The following TRIM41 variants were observed in gnomAD, a reference collection of about 807,000 sequenced individuals.
TRIM41 encodes the protein tripartite motif containing 41, also known as E3 ubiquitin-protein ligase TRIM41.
A neutral mutation model predicts 60.6 loss-of-function variants in TRIM41; 21 were observed. The ratio of observed to expected loss-of-function variants is 0.35; its 90% CI spans 0.25 to 0.50. The LOEUF (loss-of-function observed/expected upper bound fraction) is 0.50. Ranked by LOEUF, TRIM41 falls within the 20% of genes least tolerant of loss-of-function variation. The pLI, the probability that TRIM41 is intolerant of heterozygous loss-of-function variation, is 0.98. For missense variants in TRIM41, 846 were observed against 868.3 expected (o/e 0.97, Z 0.32); for synonymous variants, 407 against 344.9 (o/e 1.18, Z -2.00).
chr5:181,229,296 CTCT>C (rs1371170312), intron 1 of TRIM41: 3 of 152,258 alleles, frequency 2.0e-5, no homozygotes, highest in Non-Finnish European at 4.4e-5. Context: ...GAGGTCCATT[CTCT>C]TCTTATTTGA....
In TRIM41 at chr5:181,234,449, G is replaced by A. The variant is rs755970444; in HGVS notation, c.1567G>A (p.Gly523Arg). 80 of 1,610,796 alleles carry A rather than the reference G, an allele frequency of 5.0e-5. No individual in the cohort carries two copies. Among genetic ancestry groups the A allele is most frequent in the Admixed American group, 1.2e-4 (7 of 59,548 alleles). ...CCCTGGGGGTTCCTCCGTGGGCAGC[G>A]GGGATGCCAGCTCCTCGCGCCATCA... is the stretch of plus-strand genomic sequence containing the variant. ...VGPGGSSVGS[G>R]DASSSRHHHR... Residue 523 changes from glycine to arginine, a missense_variant, in exon 6 of 6, where the codon GGG becomes AGG. Coordinates refer to ENST00000315073, the MANE Select transcript of TRIM41 (RefSeq NM_033549.5). This position sits in a 1 kb window ranked among gnomAD's most constrained non-coding sequence, Gnocchi z 5.6.
In TRIM41 at chr5:181,223,854, C is replaced by G; in HGVS notation, c.-146C>G. On this transcript the variant is annotated 5_prime_UTR_variant, in exon 1 of 6. Transcript: ENST00000315073. ...GGAACACTGTGTTGGGGTGGGTTGT[C>G]GGCAGGACATCTCTCTGGCTGCTCT... The G allele has an allele frequency of 1.3e-6, 1 of 777,736 alleles. No homozygotes were observed. The highest frequency in any genetic ancestry group is 2.0e-6 in the Non-Finnish European group (1 of 494,880). 48.2% of individuals were successfully genotyped at this position (777,736 alleles called of 1,614,324 possible). A position where few individuals can be genotyped will look rare whatever the true frequency, so the allele number is the denominator to read the frequency against.
At chr5:181,232,465 T>G in intron 2 of TRIM41, 194 bp from the exon 3 acceptor site, 2 of 584,784 alleles carry the variant, frequency 3.4e-6, no homozygotes, top group Non-Finnish European at 3.0e-6. Context: ...TTAGTGAGTT[T>G]GAGACCACTG....
Position 181,235,219 on chromosome 5 carries a change from A to G in TRIM41, c.*444A>G. On this transcript the variant is annotated 3_prime_UTR_variant, in exon 6 of 6. Coordinates refer to ENST00000315073, the MANE Select transcript of TRIM41 (RefSeq NM_033549.5). ...ATTCCAATTCCATTTTCTGATGCAG[A>G]TTTTAGCTGAGGGATTTGGAAGCCA... 6.4e-7 allele frequency: 1 copy of G among 1,571,774 alleles called. No individual in the cohort carries two copies. Among genetic ancestry groups the G allele is most frequent in the Admixed American group, 1.9e-5 (1 of 53,740 alleles).
chr5:181,227,279 T>G (rs531362961), intron 1 of TRIM41: 1 of 152,360 alleles, frequency 6.6e-6, no homozygotes, highest in South Asian at 2.1e-4. Context: ...CATAGTTTTA[T>G]TGTATAGGAC....
intron 2 of TRIM41, 89 bp from the exon 3 acceptor site, chr5:181,232,570 C>A: frequency 7.9e-7 from 1 of 1,270,486 alleles, no homozygotes; most frequent in Non-Finnish European, 1.1e-6. Flanking sequence ...GGCTCCTTTG[C>A]CTTGCATTGA....
At chr5:181,228,951 A>C (rs1034911862) in intron 1 of TRIM41, 6 of 151,802 alleles carry the variant, frequency 4.0e-5, no homozygotes, top group Non-Finnish European at 7.4e-5. Context: ...AAAAAAAAAA[A>C]AAAAAAACAG....
chr5:181,234,839 CGTAA>C lies in TRIM41; in HGVS notation c.*67_*70del. The stretch of plus-strand genomic sequence containing the variant: ...GGGGGGTGGGTGGTGGAGGGTGGCC[CGTAA>C]GTTTGAGGGCTCAAAGGCTCTTCCC... On this transcript the variant is annotated 3_prime_UTR_variant, in exon 6 of 6. Transcript: ENST00000315073. This position sits in a 1 kb window ranked among gnomAD's most constrained non-coding sequence, Gnocchi z 5.6. The C allele has an allele frequency of 6.2e-7, 1 of 1,606,940 alleles. No homozygotes were observed. The highest frequency in any genetic ancestry group is 8.5e-7 in the Non-Finnish European group (1 of 1,176,832).
In TRIM41 at chr5:181,235,302, G is replaced by A; in HGVS notation, c.*527G>A. ...CTGGGTAATAAATGTCTATTCTCCT[G>A]GGGAGGAGGGATTCTAAACTTTCCT... On this transcript the variant is annotated 3_prime_UTR_variant, in exon 6 of 6. Coordinates refer to ENST00000315073, the MANE Select transcript of TRIM41 (RefSeq NM_033549.5). 6.2e-7 allele frequency: 1 copy of A among 1,614,018 alleles called. No homozygotes were observed. Among genetic ancestry groups the A allele is most frequent in the Non-Finnish European group, 8.5e-7 (1 of 1,179,970 alleles).
rs779622930 is a variant in TRIM41, at chr5:181,234,670, G to C, written c.1788G>C (p.Glu596Asp). The C allele has an allele frequency of 6.2e-7, 1 of 1,614,232 alleles. No homozygotes were observed. Among genetic ancestry groups the C allele is most frequent in the South Asian group, 1.1e-5 (1 of 91,090 alleles). Residue 596 changes from glutamate (E) to aspartate (D), a missense_variant, in exon 6 of 6, where the codon GAG (glutamate) becomes GAC (aspartate). Coordinates refer to ENST00000315073, the MANE Select transcript of TRIM41 (RefSeq NM_033549.5). The surrounding 1 kb of genome is among the most constrained non-coding windows in gnomAD (Gnocchi z 5.6). Reference protein sequence around the residue: ...EAGRLGFYNAETLAHVHTFSA... With the variant: ...EAGRLGFYNADTLAHVHTFSA... ...GGCGCCTGGGCTTCTACAACGCAGA[G>C]ACTCTAGCCCACGTGCACACCTTCT...
At chr5:181,229,381 T>C (rs1248981343) in intron 1 of TRIM41, 1 of 152,250 alleles carries the variant, frequency 6.6e-6, no homozygotes, top group Non-Finnish European at 1.5e-5. Flanking sequence ...GGAGTCAGGC[T>C]GGAGCTCTCC....
chr5:181,232,063 T>C (rs57863187), intron 2 of TRIM41: 13,192 of 152,316 alleles, frequency 0.087, 1,077 homozygotes, highest in African/African-American at 0.22. Flanking sequence ...TGGGTGACTT[T>C]CTTAAGGTCA....
rs544266226 is a variant in TRIM41, at chr5:181,232,300, A to G, written c.910-359A>G. On this transcript the variant is annotated intron_variant, in intron 2 of 5. Transcript: ENST00000315073. ...CATTTAAACACAACGTTTCAATATT[A>G]TATGTGCCACAGAGAGATACAGTGA... 4.1e-5 allele frequency: 10 copies of G among 246,500 alleles called. No individual in the cohort carries two copies. The East Asian group carries it at 5.1e-4, about 13-fold the overall frequency. The allele number at this position is 246,500 out of a possible 1,614,324, so 15.3% of individuals were successfully genotyped here.
rs1257518915 is a variant in TRIM41 at position 181,234,898 on chromosome 5, C to A, written c.*123C>A. Reference sequence around the variant, plus strand: ...CTTGTTACTGTGTTGCTTCCCACTCCCCCTTGACCCCAGGCCCCTGCTTCT... The same window carrying A: ...CTTGTTACTGTGTTGCTTCCCACTCACCCTTGACCCCAGGCCCCTGCTTCT... On this transcript the variant is annotated 3_prime_UTR_variant, in exon 6 of 6. Transcript: ENST00000315073. The surrounding 1 kb of genome is among the most constrained non-coding windows in gnomAD (Gnocchi z 5.6). 2 of 1,612,602 alleles carry A rather than the reference C, an allele frequency of 1.2e-6. No individual in the cohort carries two copies. The highest frequency in any genetic ancestry group is 1.7e-5 in the Admixed American group (1 of 59,974).
rs539116000 is a variant in TRIM41 at position 181,235,324 on chromosome 5, T to C, written c.*549T>C. ...CCTGGGGAGGAGGGATTCTAAACTT[T>C]CCTTCCGTCCTCAATTTCTACCTCC... is the stretch of plus-strand genomic sequence containing the variant. On this transcript the variant is annotated 3_prime_UTR_variant, in exon 6 of 6. Transcript: ENST00000315073. 5 of 1,614,070 alleles carry C rather than the reference T, an allele frequency of 3.1e-6. No homozygotes were observed. The highest frequency in any genetic ancestry group is 1.7e-5 in the Admixed American group (1 of 59,998).
At chr5:181,225,870 G>C (rs55810697) in intron 1 of TRIM41, 3,642 of 152,430 alleles carry the variant, frequency 0.024, 78 homozygotes, top group South Asian at 0.074. Flanking sequence ...GTTTGAAGCA[G>C]TGGGACCAGG....
In TRIM41 at chr5:181,235,303, G is replaced by C; in HGVS notation, c.*528G>C. 1 of 1,614,052 alleles carries C rather than the reference G, an allele frequency of 6.2e-7. No individual in the cohort carries two copies. On this transcript the variant is annotated 3_prime_UTR_variant, in exon 6 of 6. Coordinates refer to ENST00000315073, the MANE Select transcript of TRIM41 (RefSeq NM_033549.5). ...TGGGTAATAAATGTCTATTCTCCTG[G>C]GGAGGAGGGATTCTAAACTTTCCTT...
At position 181,233,388 on chromosome 5, in the gene TRIM41, C is replaced by G. The variant is rs1758894623; in HGVS notation, c.1141-25C>G. On this transcript the variant is annotated intron_variant, in intron 3 of 5. Transcript: ENST00000315073. This position sits in a 1 kb window ranked among gnomAD's most constrained non-coding sequence, Gnocchi z 4.1. ...TCTCTTTATCTCTTTCTCCCTCTCC[C>G]TCTTTTTGTTTCTCTTATTCCCAGG... The G allele has an allele frequency of 1.9e-6, 3 of 1,611,948 alleles. No individual in the cohort carries two copies. Among genetic ancestry groups the G allele is most frequent in the South Asian group, 2.2e-5 (2 of 91,034 alleles).
intron 1 of TRIM41, chr5:181,227,644 C>A (rs985159080): frequency 5.3e-5 from 8 of 152,040 alleles, no homozygotes; most frequent in Admixed American, 5.2e-4. Flanking sequence ...GCACCGCGCC[C>A]AGCCACAAGT....
Sources: allele counts gnomAD v4.1 joint callset, GRCh38; gene constraint gnomAD v4.1.1; non-coding constraint Gnocchi (gnomAD v3.1); transcripts MANE v1.5; gene names NCBI Gene and HGNC (gene_info 2026-07-23, HGNC 2026-07-21).